The following MMP20 variants were observed in gnomAD, a reference collection of about 807,000 sequenced individuals.
The protein encoded by MMP20 is matrix metallopeptidase 20, also known as matrix metalloproteinase-20.
Under a neutral mutation model 51.8 loss-of-function variants are expected in MMP20, and 50 were observed. That is an observed-to-expected ratio of 0.97 (90% confidence interval 0.77 to 1.22). MMP20 has a LOEUF of 1.22. Among genes scored for constraint, MMP20 ranks in the 50% most tolerant of loss-of-function variants. MMP20 has a pLI of 0.00. For missense variants in MMP20, 663 were observed against 601.4 expected, an observed-to-expected ratio of 1.10 and a Z score of -1.07; for synonymous variants, 244 against 216.2, an observed-to-expected ratio of 1.13 and a Z score of -1.13.
At chr11:102,621,386 G>A (rs1859749230) in intron 1 of MMP20, among the ~76,000 whole-genome samples, 1 of 152,210 alleles carries the variant, frequency 6.6e-6, no homozygotes, top group Admixed American at 6.5e-5. Flanking sequence ...TTTTAAAGCT[G>A]TCTGAAAAAT....
chr11:102,591,688 CA>C (rs2135932715), intron 8 of MMP20, among the ~76,000 whole-genome samples: 1 of 152,268 alleles, frequency 6.6e-6, no homozygotes, highest in East Asian at 1.9e-4. Context: ...ATCTAGATTA[CA>C]AAAGACTTCT....
At chr11:102,624,730 G>A (rs1300390570) in intron 1 of MMP20, among the ~76,000 whole-genome samples, 1 of 152,114 alleles carries the variant, frequency 6.6e-6, no homozygotes, top group Non-Finnish European at 1.5e-5. Flanking sequence ...ATTTTGATCA[G>A]GGTTACCTTG....
At chr11:102,598,705 A>G (rs565971169) in intron 6 of MMP20, among the ~76,000 whole-genome samples, 27 of 152,240 alleles carry the variant, frequency 1.8e-4, no homozygotes, top group Non-Finnish European at 3.1e-4. Flanking sequence ...AGCATCATGT[A>G]TTATTCATCT....
Position 102,599,357 on chromosome 11 carries a change from C to T in MMP20, c.954-4600G>A, listed in dbSNP as rs550530443. Among the ~76,000 whole-genome samples the T allele has an allele frequency of 2.0e-4, 30 of 152,258 alleles. No homozygotes were observed. The Middle Eastern group carries it at 0.014, about 69-fold the overall frequency. On this transcript the variant is annotated intron_variant, in intron 6 of 9. Transcript: ENST00000260228. Reference sequence around the variant, plus strand: ...TTCTCTGTTTAATTACTGCTCACTCCCCTGAGATCAGGTGATGTGGTGCAG... The same window carrying T: ...TTCTCTGTTTAATTACTGCTCACTCTCCTGAGATCAGGTGATGTGGTGCAG...
At chr11:102,620,662 G>A (rs1411414323) in intron 1 of MMP20, among the ~76,000 whole-genome samples, 1 of 152,192 alleles carries the variant, frequency 6.6e-6, no homozygotes, top group Non-Finnish European at 1.5e-5. Flanking sequence ...CATTTTCCTA[G>A]TGTCCTTCCT....
intron 6 of MMP20, among the ~76,000 whole-genome samples, chr11:102,596,478 T>C (rs979383922): frequency 1.3e-5 from 2 of 152,184 alleles, no homozygotes; most frequent in African/African-American, 4.8e-5. Context: ...ATAATGAATA[T>C]GAAAGTGTAT....
chr11:102,607,629 A>C (rs1859535326), intron 5 of MMP20: 1 of 124,276 alleles, frequency 8.0e-6, no homozygotes, highest in Non-Finnish European at 1.9e-5. Context: ...CAGCAGCGGC[A>C]AGCGATCGGG....
At chr11:102,625,033 A>G (rs989875315) in intron 1 of MMP20, among the ~76,000 whole-genome samples, 161 bp downstream of exon 1, 3 of 152,234 alleles carry the variant, frequency 2.0e-5, no homozygotes, top group Admixed American at 2.0e-4. Flanking sequence ...TGCACCAGAC[A>G]CCAATCTAGG....
At chr11:102,585,244 T>C (rs1404279806) in intron 8 of MMP20, among the ~76,000 whole-genome samples, 1 of 152,184 alleles carries the variant, frequency 6.6e-6, no homozygotes, top group African/African-American at 2.4e-5. Context: ...ACATGAGATA[T>C]CACTCCATTT....
chr11:102,594,110 G>T (rs1181237344), intron 7 of MMP20, among the ~76,000 whole-genome samples: 1 of 152,200 alleles, frequency 6.6e-6, no homozygotes, highest in Non-Finnish European at 1.5e-5. Flanking sequence ...AAGAAATGGA[G>T]CTCAGAGCCA....
intron 6 of MMP20, among the ~76,000 whole-genome samples, chr11:102,597,939 G>T (rs549862570): frequency 6.6e-6 from 1 of 151,822 alleles, no homozygotes; most frequent in Non-Finnish European, 1.5e-5. Context: ...GGCTAATTTT[G>T]TATTTTTAGT....
intron 6 of MMP20, among the ~76,000 whole-genome samples, chr11:102,600,675 C>G (rs1269589222): frequency 6.6e-6 from 1 of 152,072 alleles, no homozygotes; most frequent in Non-Finnish European, 1.5e-5. Context: ...TTAGTAGAGA[C>G]AGGGTTTCAC....
chr11:102,592,037 G>T (rs778196341), intron 8 of MMP20, among the ~76,000 whole-genome samples: 3 of 152,142 alleles, frequency 2.0e-5, no homozygotes, highest in African/African-American at 4.8e-5. Context: ...TAACATAAAC[G>T]CCCTCATACT....
intron 8 of MMP20, among the ~76,000 whole-genome samples, chr11:102,587,640 A>G (rs1859269835): frequency 6.6e-6 from 1 of 152,092 alleles, no homozygotes; most frequent in Non-Finnish European, 1.5e-5. Context: ...TGTTAGATTC[A>G]CATATGTTTA....
intron 8 of MMP20, 106 bp downstream of exon 8, chr11:102,593,333 G>C: frequency 8.6e-7 from 1 of 1,165,662 alleles, no homozygotes; most frequent in South Asian, 1.3e-5. Flanking sequence ...AAGAGTCAAC[G>C]GGCCTATCGC....
At chr11:102,624,591 A>G (rs1043696904) in intron 1 of MMP20, among the ~76,000 whole-genome samples, 1 of 152,146 alleles carries the variant, frequency 6.6e-6, no homozygotes, top group African/African-American at 2.4e-5. Flanking sequence ...TGTACTTTGT[A>G]CTTACTACAT....
chr11:102,611,551 G>C (rs1859599782), intron 3 of MMP20, among the ~76,000 whole-genome samples: 1 of 152,252 alleles, frequency 6.6e-6, no homozygotes, highest in Non-Finnish European at 1.5e-5. Flanking sequence ...AGCTGTGTCT[G>C]ATGATGACAA....
At chr11:102,625,079 C>T (rs565869672) in intron 1 of MMP20, 115 bp downstream of exon 1, 2 of 1,382,554 alleles carry the variant, frequency 1.4e-6, no homozygotes, top group South Asian at 1.2e-5. Flanking sequence ...CTTCAATGGA[C>T]TTATATAAAA....
intron 6 of MMP20, among the ~76,000 whole-genome samples, chr11:102,599,040 T>A (rs1428216521): frequency 6.8e-6 from 1 of 146,742 alleles, no homozygotes; most frequent in Non-Finnish European, 1.5e-5. Flanking sequence ...TGAGATGGAG[T>A]CTTGCTTTGG....
Sources: allele counts gnomAD v4.1 joint callset (sites outside exome capture counted in the v4.1 genomes callset), GRCh38; gene constraint gnomAD v4.1.1; transcripts MANE v1.5; gene names NCBI Gene and HGNC (gene_info 2026-07-23, HGNC 2026-07-21).